Variants in NT5M observed in about 807,000 individuals in gnomAD.
NT5M encodes the protein 5'(3')-deoxyribonucleotidase, mitochondrial.
Under a neutral mutation model 22.2 loss-of-function variants are expected in NT5M, and 22 were observed. The observed-to-expected ratio is 0.99, with a 90% CI of 0.71 to 1.41. The LOEUF (loss-of-function observed/expected upper bound fraction) is 1.41. Among genes scored for constraint, NT5M ranks in the 40% most tolerant of loss-of-function variants. The probability of loss-of-function intolerance (pLI) is 0.00; values close to 1 mark genes in which losing one functional copy is unlikely to be tolerated. For synonymous variants in NT5M, 167 were observed against 133.0 expected, an observed-to-expected ratio of 1.26 and a Z score of -1.76; for missense variants, 322 against 314.8, an observed-to-expected ratio of 1.02 and a Z score of -0.17.
chr17:17,330,610 A>G (rs2049359123), intron 3 of NT5M, among the ~76,000 whole-genome samples: 1 of 152,080 alleles, frequency 6.6e-6, no homozygotes, highest in Non-Finnish European at 1.5e-5. Context: ...TCCTGACCTC[A>G]GGTGATCCAT....
intron 1 of NT5M, 120 bp from the exon 2 acceptor site, chr17:17,306,423 T>A (rs2048802412): frequency 1.4e-6 from 1 of 727,888 alleles, no homozygotes; most frequent in East Asian, 2.5e-5. Context: ...CTTGGGTGTG[T>A]GTTTGGGGGA....
At chr17:17,319,745 A>G (rs202029133) in intron 2 of NT5M, among the ~76,000 whole-genome samples, 4 of 25,286 alleles carry the variant, frequency 1.6e-4, no homozygotes, top group Non-Finnish European at 3.1e-4. Flanking sequence ...CAGCTGGGAG[A>G]GATAACAAAG....
intron 3 of NT5M, chr17:17,333,408 A>G (rs1007690545): frequency 6.6e-6 from 1 of 152,004 alleles, no homozygotes; most frequent in Non-Finnish European, 1.5e-5. Flanking sequence ...GGCTGAAGTG[A>G]TCCTCCCACC....
At position 17,306,653 on chromosome 17, in the gene NT5M, TCCTCCC is replaced by T; in HGVS notation, c.368+11_368+16del. On this transcript the variant is annotated intron_variant, in intron 2 of 4. Coordinates refer to ENST00000389022, the MANE Select transcript of NT5M (RefSeq NM_020201.4). ...TGGCCAGCCTACAAAAGTAAGTTTGTCCTCCCAGCCACTCAGTAAGTTTGTCTGAGC... is the reference window on the plus strand; with the variant it reads ...TGGCCAGCCTACAAAAGTAAGTTTGTAGCCACTCAGTAAGTTTGTCTGAGC... 1 of 1,594,042 alleles carries T rather than the reference TCCTCCC, an allele frequency of 6.3e-7. No homozygotes were observed. The highest frequency in any genetic ancestry group is 8.6e-7 in the Non-Finnish European group (1 of 1,162,024).
intron 3 of NT5M, among the ~76,000 whole-genome samples, chr17:17,344,397 A>G (rs2049712632): frequency 6.6e-6 from 1 of 152,120 alleles, no homozygotes; most frequent in African/African-American, 2.4e-5. Context: ...TCAGTGCCTA[A>G]CAGTACGCAC....
intron 2 of NT5M, among the ~76,000 whole-genome samples, chr17:17,316,531 A>C (rs1028848223): frequency 6.7e-6 from 1 of 150,298 alleles, no homozygotes; most frequent in Non-Finnish European, 1.5e-5. Context: ...GCCCGCCACC[A>C]CACCTGGCTA....
chr17:17,322,032 G>A (rs1486744879), intron 2 of NT5M, among the ~76,000 whole-genome samples: 2 of 152,042 alleles, frequency 1.3e-5, no homozygotes, highest in Non-Finnish European at 2.9e-5. Flanking sequence ...GGTGGGGAGG[G>A]TTAGGAACTG....
intron 1 of NT5M, 122 bp downstream of exon 1, chr17:17,303,939 T>C (rs1198904449): frequency 1.5e-6 from 2 of 1,312,960 alleles, no homozygotes; most frequent in East Asian, 6.2e-5. Context: ...TCTGATAGAA[T>C]AGGGTCTGGG....
Position 17,344,790 on chromosome 17 carries a change from C to G in NT5M, c.430-4C>G. On this transcript the variant is annotated splice_region_variant and splice_polypyrimidine_tract_variant and intron_variant, in intron 3 of 4. Transcript: ENST00000389022. ...ACCACCTGCCCTTGCCTGTTTGCGTCCAGTATGCCTGGGTGGAGAAGTACT... is the reference window on the plus strand; with the variant it reads ...ACCACCTGCCCTTGCCTGTTTGCGTGCAGTATGCCTGGGTGGAGAAGTACT... 1 of 1,613,850 alleles carries G rather than the reference C, an allele frequency of 6.2e-7. No individual in the cohort carries two copies. Among genetic ancestry groups the G allele is most frequent in the Middle Eastern group, 1.7e-4 (1 of 6,056 alleles).
chr17:17,323,529 G>A (rs1165592899), intron 3 of NT5M, among the ~76,000 whole-genome samples: 2 of 152,248 alleles, frequency 1.3e-5, no homozygotes, highest in Admixed American at 6.5e-5. Context: ...CTGAAGGCAC[G>A]TGGATGCATT....
intron 2 of NT5M, among the ~76,000 whole-genome samples, chr17:17,317,055 G>T (rs77001952): frequency 0.019 from 2,517 of 132,142 alleles, 84 homozygotes; most frequent in African/African-American, 0.06. Flanking sequence ...TTTTGTTTTT[G>T]TTTTTTTTTT....
intron 2 of NT5M, among the ~76,000 whole-genome samples, chr17:17,317,420 A>G (rs1313376388): frequency 6.6e-6 from 1 of 152,180 alleles, no homozygotes; most frequent in Non-Finnish European, 1.5e-5. Flanking sequence ...AGATATACAG[A>G]TGGCCAGTAA....
chr17:17,322,404 A>G (rs1013979324), intron 2 of NT5M, among the ~76,000 whole-genome samples: 2 of 152,000 alleles, frequency 1.3e-5, no homozygotes, highest in African/African-American at 4.8e-5. Context: ...AGGAGTGAGG[A>G]TGCTGGGGAG....
intron 3 of NT5M, chr17:17,333,395 C>T (rs2049428572): frequency 6.6e-6 from 1 of 152,160 alleles, no homozygotes; most frequent in African/African-American, 2.4e-5. Context: ...CTGTGACCCC[C>T]TGGGCTGAAG....
Position 17,305,403 on chromosome 17 carries a change from C to CA in NT5M, c.268-1140_268-1139insA, listed in dbSNP as rs1555625232. Among the ~76,000 whole-genome samples, 5 of 130,390 alleles carry CA rather than the reference C, an allele frequency of 3.8e-5. No individual in the cohort carries two copies. The East Asian group carries it at 1.4e-3, about 36-fold the overall frequency. The allele number at this position is 130,390 out of a possible 152,430, so 85.5% of individuals were successfully genotyped here. ...TGTGGTTAAAACAACCGCCCCCCCC[C>CA]CCCCGCCCCCACACACGTGGCTCCT... On this transcript the variant is annotated intron_variant, in intron 1 of 4. Transcript: ENST00000389022.
chr17:17,307,135 T>G (rs949784478), intron 2 of NT5M, among the ~76,000 whole-genome samples: 1 of 149,096 alleles, frequency 6.7e-6, no homozygotes, highest in Admixed American at 6.7e-5. Flanking sequence ...GAGGTGGAGG[T>G]TGTGGTGAGC....
intron 3 of NT5M, among the ~76,000 whole-genome samples, chr17:17,339,547 T>G (rs2049595290): frequency 6.6e-6 from 1 of 152,206 alleles, no homozygotes; most frequent in Admixed American, 6.5e-5. Flanking sequence ...CTTGTCATGT[T>G]CCCGGTCTTA....
At chr17:17,326,897 G>T (rs1365550412) in intron 3 of NT5M, among the ~76,000 whole-genome samples, 1 of 152,136 alleles carries the variant, frequency 6.6e-6, no homozygotes, top group African/African-American at 2.4e-5. Context: ...ACTTTGATCT[G>T]GTTCTTTCTA....
chr17:17,337,924 C>T (rs367898692), intron 3 of NT5M, among the ~76,000 whole-genome samples: 4 of 152,228 alleles, frequency 2.6e-5, no homozygotes, highest in Admixed American at 2.0e-4. Context: ...CCCATTTGTC[C>T]GTGTTTGCTT....
Sources: allele counts gnomAD v4.1 joint callset (sites outside exome capture counted in the v4.1 genomes callset), GRCh38; gene constraint gnomAD v4.1.1; transcripts MANE v1.5; gene names NCBI Gene and HGNC (gene_info 2026-07-23, HGNC 2026-07-21).